The following RAB8A variants were observed in gnomAD, a reference collection of about 807,000 sequenced individuals.
The protein encoded by RAB8A is RAB8A, member RAS oncogene family.
RAB8A carries 5 observed loss-of-function variants against 29.2 expected under a neutral mutation model. The ratio of observed to expected loss-of-function variants is 0.17; its 90% CI spans 0.09 to 0.36. The LOEUF is 0.36. RAB8A is among the 10% of genes least tolerant of loss of function. The pLI is 1.00. For missense variants in RAB8A, 171 were observed against 272.2 expected, an observed-to-expected ratio of 0.63 and a Z score of 2.62; for synonymous variants, 108 against 99.9, an observed-to-expected ratio of 1.08 and a Z score of -0.49.
intron 1 of RAB8A, among the ~76,000 whole-genome samples, chr19:16,117,569 G>GT (rs1204097459): frequency 6.6e-6 from 1 of 152,158 alleles, no homozygotes; most frequent in Admixed American, 6.6e-5. Flanking sequence ...AGGCTGGGGA[G>GT]GGGACTGCGG....
At chr19:16,130,764 C>G (rs1259883836) in intron 7 of RAB8A, among the ~76,000 whole-genome samples, 1 of 152,140 alleles carries the variant, frequency 6.6e-6, no homozygotes, top group East Asian at 1.9e-4. Context: ...AATCCTCCCA[C>G]CTCCGCCTCC....
At chr19:16,117,476 G>A (rs996374615) in intron 1 of RAB8A, among the ~76,000 whole-genome samples, 2 of 149,746 alleles carry the variant, frequency 1.3e-5, no homozygotes, top group African/African-American at 2.5e-5. Flanking sequence ...GCGACAGAGC[G>A]AGACTCCATC....
chr19:16,112,130 T>C, intron 1 of RAB8A, 105 bp downstream of exon 1: 2 of 1,480,084 alleles, frequency 1.4e-6, no homozygotes, highest in Admixed American at 4.1e-5. Flanking sequence ...CCGAGGGCGC[T>C]GAGAGGGTCG....
At chr19:16,116,850 G>A (rs888285005) in intron 1 of RAB8A, among the ~76,000 whole-genome samples, 5 of 144,764 alleles carry the variant, frequency 3.5e-5, no homozygotes, top group East Asian at 2.0e-4. Context: ...AGCCAAGATC[G>A]CACCACTGCA....
chr19:16,114,451 A>T (rs1257020724), intron 1 of RAB8A, among the ~76,000 whole-genome samples: 5 of 135,464 alleles, frequency 3.7e-5, no homozygotes, highest in Non-Finnish European at 7.6e-5. Context: ...ATCTCGGCTC[A>T]CTGCAACTTC....
intron 1 of RAB8A, 91 bp downstream of exon 1, chr19:16,112,116 C>T: frequency 6.5e-7 from 1 of 1,533,570 alleles, no homozygotes; most frequent in Non-Finnish European, 8.8e-7. Context: ...CAGGGCTGGA[C>T]GGGCCGAGGG....
chr19:16,133,124 C>G lies in RAB8A; in HGVS notation c.*820C>G, dbSNP rs913641737. On this transcript the variant is annotated 3_prime_UTR_variant, in exon 8 of 8. Transcript: ENST00000300935. ...TCTCAGCACCAAAATGGCCCCCACTCCTTCGTGTCCTCCCGCTATCTCCAA... is the reference window on the plus strand; with the variant it reads ...TCTCAGCACCAAAATGGCCCCCACTGCTTCGTGTCCTCCCGCTATCTCCAA... 1 of 152,380 alleles carries G rather than the reference C, an allele frequency of 6.6e-6. No homozygotes were observed. The highest frequency in any genetic ancestry group is 1.5e-5 in the Non-Finnish European group (1 of 68,058). The allele number at this position is 152,380 out of a possible 1,614,324, so 9.4% of individuals were successfully genotyped here. A position where few individuals can be genotyped will look rare whatever the true frequency, so the allele number is the denominator to read the frequency against.
At chr19:16,112,996 A>G (rs967777658) in intron 1 of RAB8A, among the ~76,000 whole-genome samples, 1 of 152,158 alleles carries the variant, frequency 6.6e-6, no homozygotes, top group Non-Finnish European at 1.5e-5. Context: ...TGACTTCCCT[A>G]TCAAAGGGCC....
chr19:16,116,677 A>G (rs1391304705), intron 1 of RAB8A, among the ~76,000 whole-genome samples: 1 of 152,172 alleles, frequency 6.6e-6, no homozygotes, highest in Non-Finnish European at 1.5e-5. Flanking sequence ...TCTACTAAAA[A>G]TAGAAAAATT....
chr19:16,129,157 C>CCTT (rs60166595), intron 6 of RAB8A, among the ~76,000 whole-genome samples: 46,073 of 151,960 alleles, frequency 0.3, 7,177 homozygotes, highest in South Asian at 0.35. Context: ...ACTGGGCACT[C>CCTT]CTAGATCCTT....
At chr19:16,131,129 T>C (rs376697997) in intron 7 of RAB8A, among the ~76,000 whole-genome samples, 3 of 151,910 alleles carry the variant, frequency 2.0e-5, no homozygotes, top group African/African-American at 7.2e-5. Flanking sequence ...TGGCCATTTT[T>C]TCTTTTTTAA....
At chr19:16,116,188 A>G (rs1260720912) in intron 1 of RAB8A, among the ~76,000 whole-genome samples, 2 of 152,220 alleles carry the variant, frequency 1.3e-5, no homozygotes, top group African/African-American at 4.8e-5. Flanking sequence ...CAGGGCAGGG[A>G]AGAGCAAACA....
rs1266001260 is a variant in RAB8A, at chr19:16,125,429, C to T, written c.247-41C>T. On this transcript the variant is annotated intron_variant, in intron 3 of 7. Coordinates refer to ENST00000300935, the MANE Select transcript of RAB8A (RefSeq NM_005370.5). This position sits in a 1 kb window ranked among gnomAD's most constrained non-coding sequence, Gnocchi z 5.0. The stretch of plus-strand genomic sequence containing the variant: ...GCCGCTGAGGCCTCCCTTCCAGAGC[C>T]TGCAGCCGATCAGGCACCTGTGTCT... The T allele has an allele frequency of 1.3e-6, 2 of 1,574,940 alleles. No homozygotes were observed. Among genetic ancestry groups the T allele is most frequent in the African/African-American group, 1.3e-5 (1 of 74,096 alleles).
intron 3 of RAB8A, chr19:16,124,997 GACT>G: frequency 2.0e-5 from 4 of 204,196 alleles, no homozygotes; most frequent in Admixed American, 5.3e-5. Flanking sequence ...GTCGGGTCAG[GACT>G]TCCTGGGCTC....
intron 2 of RAB8A, among the ~76,000 whole-genome samples, chr19:16,120,609 C>CTTT (rs372155452): frequency 2.3e-5 from 3 of 130,630 alleles, no homozygotes; most frequent in Non-Finnish European, 3.2e-5. Flanking sequence ...ACACGCCTGG[C>CTTT]TTTTTTTTTT....
intron 7 of RAB8A, among the ~76,000 whole-genome samples, chr19:16,131,728 G>A (rs1419363669): frequency 4.0e-5 from 6 of 151,082 alleles, no homozygotes; most frequent in Non-Finnish European, 8.9e-5. Flanking sequence ...ATGGATGAGT[G>A]GATGGTTCTT....
Position 16,132,558 on chromosome 19 carries a change from G to T in RAB8A, c.*254G>T. 2.0e-6 allele frequency: 1 copy of T among 496,356 alleles called. No individual in the cohort carries two copies. The highest frequency in any genetic ancestry group is 2.1e-5 in the South Asian group (1 of 47,770). The allele number at this position is 496,356 out of a possible 1,614,324, so 30.7% of individuals were successfully genotyped here. The stretch of plus-strand genomic sequence containing the variant: ...ATCTGCTGAACGGGCCCACCCACAC[G>T]TTGTATATTCAGAGAGAGAGAGGGA... On this transcript the variant is annotated 3_prime_UTR_variant, in exon 8 of 8. Transcript: ENST00000300935. This position sits in a 1 kb window ranked among gnomAD's most constrained non-coding sequence, Gnocchi z 5.6.
rs1407531201 is a variant in RAB8A at position 16,132,902 on chromosome 19, C to G, written c.*598C>G. ...TTAACTGTTAAACCAAAGGAAAGCA[C>G]AAATGAAGGAAATCCTGTGTAAAGC... On this transcript the variant is annotated 3_prime_UTR_variant, in exon 8 of 8. Coordinates refer to ENST00000300935, the MANE Select transcript of RAB8A (RefSeq NM_005370.5). This position sits in a 1 kb window ranked among gnomAD's most constrained non-coding sequence, Gnocchi z 5.6. 1 of 153,964 alleles carries G rather than the reference C, an allele frequency of 6.5e-6. No individual in the cohort carries two copies. The highest frequency in any genetic ancestry group is 1.4e-5 in the Non-Finnish European group (1 of 69,050). 9.5% of individuals were successfully genotyped at this position (153,964 alleles called of 1,614,324 possible).
chr19:16,114,066 T>C (rs2090835232), intron 1 of RAB8A, among the ~76,000 whole-genome samples: 1 of 152,044 alleles, frequency 6.6e-6, no homozygotes, highest in Admixed American at 6.6e-5. Context: ...GAAGTGGCGT[T>C]AATTCAGCCT....
Sources: allele counts gnomAD v4.1 joint callset (sites outside exome capture counted in the v4.1 genomes callset), GRCh38; gene constraint gnomAD v4.1.1; non-coding constraint Gnocchi (gnomAD v3.1); transcripts MANE v1.5; gene names NCBI Gene and HGNC (gene_info 2026-07-23, HGNC 2026-07-21).